Variants in ARHGEF28 observed in about 807,000 individuals in gnomAD.
ARHGEF28 encodes 190 kDa guanine nucleotide exchange factor.
A neutral mutation model predicts 206.6 loss-of-function variants in ARHGEF28; 152 were observed. The ratio of observed to expected loss-of-function variants is 0.74; its 90% CI spans 0.64 to 0.84. The LOEUF (loss-of-function observed/expected upper bound fraction) is 0.84. ARHGEF28 is among the 40% of genes least tolerant of loss of function. ARHGEF28 has a pLI of 0.00. For synonymous variants in ARHGEF28, 763 were observed against 776.4 expected (o/e 0.98, Z 0.29); for missense variants, 2,028 against 2,073.2 (o/e 0.98, Z 0.42).
chr5:73,887,470 T>A, intron 25 of ARHGEF28, 133 bp from the exon 26 acceptor site: 1 of 655,224 alleles, frequency 1.5e-6, no homozygotes, highest in Non-Finnish European at 2.5e-6. Flanking sequence ...ATAGCATATA[T>A]CTTTGGCTAT....
At chr5:73,854,779 C>T (rs1167791665) in intron 14 of ARHGEF28, among the ~76,000 whole-genome samples, 1 of 151,982 alleles carries the variant, frequency 6.6e-6, no homozygotes, top group Non-Finnish European at 1.5e-5. Context: ...TTGCAATGAG[C>T]CGAGATCGTG....
At position 73,873,075 on chromosome 5, in the gene ARHGEF28, G is replaced by C; in HGVS notation, c.2643G>C (p.Glu881Asp). The change falls in exon 22 of 36, where the codon GAG (glutamate) becomes GAC (aspartate). Residue 881 changes from glutamate (E) to aspartate (D), a missense_variant. Around this residue, in one of 3 missense-constraint regions of ARHGEF28, gnomAD observed 223 missense variants for 289.9 expected, o/e 0.77. Transcript: ENST00000513042. ...MSEIFRKGMK[E>D]ELQLDHSTVD... ...AGATCTTCAGGAAAGGCATGAAAGA[G>C]GAGCTGCAGCTGGACCACAGCACCG... 2 of 1,613,630 alleles carry C rather than the reference G, an allele frequency of 1.2e-6. No individual in the cohort carries two copies. The highest frequency in any genetic ancestry group is 1.7e-6 in the Non-Finnish European group (2 of 1,179,750).
At chr5:73,706,614 T>G (rs1401693951) in intron 2 of ARHGEF28, among the ~76,000 whole-genome samples, 1 of 152,200 alleles carries the variant, frequency 6.6e-6, no homozygotes, top group African/African-American at 2.4e-5. Context: ...ATTGACTGAA[T>G]GAATGAATGA....
At chr5:73,683,048 C>A (rs898076872) in intron 1 of ARHGEF28, among the ~76,000 whole-genome samples, 1 of 152,048 alleles carries the variant, frequency 6.6e-6, no homozygotes, top group African/African-American at 2.4e-5. Context: ...TCTGGTGGAC[C>A]CAGAAGGCAT....
Position 73,844,519 on chromosome 5 carries a change from A to G in ARHGEF28, c.1428-1749A>G, listed in dbSNP as rs368870318. On this transcript the variant is annotated intron_variant, in intron 11 of 35. Transcript: ENST00000513042. ...GTAGAATAAGACCAGGACTCATACC[A>G]TGTATTCAGTTAACTTACTGTGTCC... 2.6e-5 allele frequency among the ~76,000 whole-genome samples: 4 copies of G among 152,078 alleles called. No individual in the cohort carries two copies. The East Asian group carries it at 7.7e-4, about 29-fold the overall frequency.
chr5:73,823,792 G>A (rs1038188112), intron 9 of ARHGEF28, among the ~76,000 whole-genome samples: 1 of 152,180 alleles, frequency 6.6e-6, no homozygotes, highest in Non-Finnish European at 1.5e-5. Flanking sequence ...ATTACATAAA[G>A]GACTTTGAAC....
chr5:73,815,591 A>G (rs1211331441), intron 9 of ARHGEF28, among the ~76,000 whole-genome samples: 2 of 152,098 alleles, frequency 1.3e-5, no homozygotes, highest in Non-Finnish European at 2.9e-5. Flanking sequence ...TGCTTTATTT[A>G]GTTTTGTATT....
chr5:73,674,460 C>T (rs902644154), intron 1 of ARHGEF28, among the ~76,000 whole-genome samples: 5 of 152,194 alleles, frequency 3.3e-5, no homozygotes, highest in African/African-American at 1.2e-4. Flanking sequence ...AAAGTGAGGA[C>T]AGGAACATGC....
chr5:73,723,275 G>T (rs1158731187), intron 2 of ARHGEF28, among the ~76,000 whole-genome samples: 1 of 152,122 alleles, frequency 6.6e-6, no homozygotes, highest in Non-Finnish European at 1.5e-5. Context: ...TGCAACCTCT[G>T]CCTCCCGGGT....
At chr5:73,871,344 G>A (rs1760094055) in intron 21 of ARHGEF28, among the ~76,000 whole-genome samples, 1 of 152,108 alleles carries the variant, frequency 6.6e-6, no homozygotes, top group Non-Finnish European at 1.5e-5. Context: ...AAATGATACA[G>A]GTAAGTGCTT....
chr5:73,887,785 A>G (rs529698399), intron 26 of ARHGEF28, 106 bp downstream of exon 26: 329 of 928,292 alleles, frequency 3.5e-4, no homozygotes, highest in South Asian at 7.5e-4. Context: ...AGGGAAGTAT[A>G]TGCTTCTGTT....
chr5:73,787,436 G>A (rs1295595016), intron 7 of ARHGEF28, among the ~76,000 whole-genome samples: 3 of 152,082 alleles, frequency 2.0e-5, no homozygotes, highest in Non-Finnish European at 2.9e-5. Flanking sequence ...TGTGCAGAAC[G>A]TGCAGGTTTG....
intron 2 of ARHGEF28, among the ~76,000 whole-genome samples, chr5:73,702,055 A>G (rs1748638517): frequency 6.6e-6 from 1 of 152,224 alleles, no homozygotes; most frequent in South Asian, 2.1e-4. Context: ...TAGTAAGTGT[A>G]TGTTTAGTTT....
Position 73,680,228 on chromosome 5 carries a change from A to G in ARHGEF28, c.-11-4613A>G, listed in dbSNP as rs573467701. 3.3e-5 allele frequency among the ~76,000 whole-genome samples: 5 copies of G among 151,814 alleles called. No individual in the cohort carries two copies. The South Asian group carries it at 6.3e-4, about 19-fold the overall frequency. On this transcript the variant is annotated intron_variant, in intron 1 of 35. Coordinates refer to ENST00000513042, the MANE Select transcript of ARHGEF28 (RefSeq NM_001177693.2). ...AGTGTGTGGATCACCTGAGGTCAGGAGTTCAAGACCAGCCTGGTCAACATG... is the reference window on the plus strand; with the variant it reads ...AGTGTGTGGATCACCTGAGGTCAGGGGTTCAAGACCAGCCTGGTCAACATG...
intron 4 of ARHGEF28, among the ~76,000 whole-genome samples, chr5:73,766,712 T>G (rs1752914107): frequency 6.6e-6 from 1 of 152,212 alleles, no homozygotes; most frequent in African/African-American, 2.4e-5. Context: ...GTTAAATAAT[T>G]AACCAAGGTC....
chr5:73,915,967 T>A (rs1178740674), intron 35 of ARHGEF28, among the ~76,000 whole-genome samples: 1 of 152,214 alleles, frequency 6.6e-6, no homozygotes, highest in East Asian at 1.9e-4. Context: ...TTGATTAAGT[T>A]TGAGTTCTCT....
intron 14 of ARHGEF28, among the ~76,000 whole-genome samples, chr5:73,854,852 AAACAAC>A (rs138860206): frequency 9.9e-5 from 15 of 151,706 alleles, no homozygotes; most frequent in African/African-American, 3.2e-4. Context: ...AAAAACCCAA[AAACAAC>A]AACAACAACA....
At chr5:73,653,356 G>A (rs549660926) in intron 1 of ARHGEF28, among the ~76,000 whole-genome samples, 1 of 152,344 alleles carries the variant, frequency 6.6e-6, no homozygotes, top group South Asian at 2.1e-4. Flanking sequence ...TTATGGAGGT[G>A]TCTGTATATC....
intron 35 of ARHGEF28, among the ~76,000 whole-genome samples, chr5:73,939,905 T>A (rs943773569): frequency 7.2e-5 from 11 of 152,204 alleles, no homozygotes; most frequent in African/African-American, 2.7e-4. Context: ...TTTTTAATTT[T>A]AATTTTTATA....
Sources: allele counts gnomAD v4.1 joint callset (sites outside exome capture counted in the v4.1 genomes callset), GRCh38; gene constraint gnomAD v4.1.1; regional missense constraint gnomAD v4.1.1; transcripts MANE v1.5; gene names NCBI Gene and HGNC (gene_info 2026-07-23, HGNC 2026-07-21).